The following L1CAM variants were observed in gnomAD, a reference collection of about 807,000 sequenced individuals.
The protein encoded by L1CAM is L1 cell adhesion molecule.
In L1CAM, 8 loss-of-function variants were observed where a neutral mutation model predicts 93.0. The observed-to-expected ratio is 0.09, with a 90% CI of 0.05 to 0.16. The LOEUF is 0.16. Among genes scored for constraint, L1CAM ranks in the 10% least tolerant of loss-of-function variants. The probability of loss-of-function intolerance (pLI) is 1.00; values close to 1 mark genes in which losing one functional copy is unlikely to be tolerated. For synonymous variants in L1CAM, 453 were observed against 453.0 expected (o/e 1.00, Z 0.00); for missense variants, 777 against 1,073.4 (o/e 0.72, Z 3.86).
intron 1 of L1CAM, chrX:153,885,338 C>A: frequency 1.0e-6 from 1 of 968,640 alleles, no homozygotes; most frequent in Non-Finnish European, 1.3e-6. Context: ...CCGACCTCAC[C>A]CACTCCAGCC....
Position 153,862,901 on chromosome X carries a change from A to G in L1CAM, c.3543-7T>C. 5.0e-6 allele frequency: 6 copies of G among 1,197,087 alleles called. No individual in the cohort carries two copies. Among genetic ancestry groups the G allele is most frequent in the Non-Finnish European group, 5.7e-6 (5 of 884,075 alleles). On this transcript the variant is annotated splice_polypyrimidine_tract_variant and splice_region_variant and intron_variant, in intron 28 of 28. Transcript: ENST00000370060. ...GGCCTTCTCCTCGTTGTCACTGCAG[A>G]GGCACAGGGCAGGTGCGAGTGAGAG...
Position 153,865,136 on chromosome X carries a change from G to T in L1CAM, c.2824C>A (p.Leu942Ile), listed in dbSNP as rs1557090425. The change falls in exon 22 of 29, where the codon CTC becomes ATC. Residue 942 changes from leucine (L) to isoleucine (I), a missense_variant. Around this residue, in one of 5 missense-constraint regions of L1CAM, gnomAD observed 71 missense variants for 77.4 expected, o/e 0.92. Transcript: ENST00000370060. The stretch of plus-strand genomic sequence containing the variant: ...CCGGTGAGCACGCCGTTGTGGCTGA[G>T]TGGGGGCTGCCAGCGCAGCAGCAGG... ...TSLLLRWQPP[L>I]SHNGVLTGYV... 1 of 1,209,897 alleles carries T rather than the reference G, an allele frequency of 8.3e-7. No individual in the cohort carries two copies. The highest frequency in any genetic ancestry group is 1.8e-5 in the South Asian group (1 of 56,874).
chrX:153,885,920 G>T (rs1367065152), intron 1 of L1CAM, 145 bp downstream of exon 1: 4 of 833,595 alleles, frequency 4.8e-6, no homozygotes, highest in Non-Finnish European at 5.8e-6. Context: ...GCCCGGCATG[G>T]GTGGGGCTCC....
intron 5 of L1CAM, 23 bp downstream of exon 5, chrX:153,872,129 C>G (rs782274319): frequency 8.5e-7 from 1 of 1,181,488 alleles, no homozygotes; most frequent in Non-Finnish European, 1.2e-6. Flanking sequence ...CCTGCCCTCC[C>G]TGGTCCCTGC....
intron 28 of L1CAM, 69 bp downstream of exon 28, chrX:153,863,299 G>A (rs1414644207): frequency 1.8e-6 from 2 of 1,126,657 alleles, no homozygotes; most frequent in Non-Finnish European, 2.4e-6. Flanking sequence ...AGGGGACAAT[G>A]GCACACCAGG....
Position 153,871,093 on chromosome X carries a change from T to G in L1CAM, c.487A>C (p.Ser163Arg). The change falls in exon 6 of 29, where the codon AGT becomes CGT. Residue 163 changes from serine to arginine, a missense_variant. Around this residue, in one of 5 missense-constraint regions of L1CAM, gnomAD observed 574 missense variants for 781.0 expected, o/e 0.73. Transcript: ENST00000370060. The stretch of plus-strand genomic sequence containing the variant: ...CAGTAGATCCGGAGAGGCTCTGCAC[T>G]TGGGGGAGGGTTGCAAGGCAGAACC... ...SVVLPCNPPP[S>R]AEPLRIYWMN... is the part of the protein sequence containing the mutation. 8.3e-7 allele frequency: 1 copy of G among 1,210,556 alleles called. No homozygotes were observed.
chrX:153,869,468 G>A (rs2064746513), intron 11 of L1CAM, 52 bp downstream of exon 11: 2 of 1,192,388 alleles, frequency 1.7e-6, no homozygotes, highest in Non-Finnish European at 1.1e-6. Flanking sequence ...CTGGCCCAGT[G>A]GGCTGCAGGG....
At chrX:153,879,976 C>G (rs1303203366) in intron 1 of L1CAM, among the ~76,000 whole-genome samples, 3 of 111,700 alleles carry the variant, frequency 2.7e-5, no homozygotes, top group Non-Finnish European at 5.7e-5. Context: ...CTGAGTAAGT[C>G]CGGTCCCAAA....
rs2064780292 is a variant in L1CAM, at chrX:153,872,489, G to A, written c.197+103C>T. 3 of 943,979 alleles carry A rather than the reference G, an allele frequency of 3.2e-6. No individual in the cohort carries two copies. In the African/African-American group the frequency reaches 5.8e-5, roughly 18 times the overall value. The allele number at this position is 943,979 out of a possible 1,213,427, so 77.8% of individuals were successfully genotyped here. On this transcript the variant is annotated intron_variant, in intron 4 of 28. Coordinates refer to ENST00000370060, the MANE Select transcript of L1CAM (RefSeq NM_001278116.2). The stretch of plus-strand genomic sequence containing the variant: ...AGATGGCGAGGACTTGGGGTGATTA[G>A]CAAGGTTTGGGGCTTCTGGGCTTAG...
At chrX:153,885,482 G>A in intron 1 of L1CAM, 1 of 865,437 alleles carries the variant, frequency 1.2e-6, no homozygotes, top group Non-Finnish European at 1.5e-6. Context: ...GAAGAAGGAG[G>A]AGAACAAAGC....
chrX:153,877,182 G>A (rs1344239010), intron 1 of L1CAM, among the ~76,000 whole-genome samples: 2 of 104,197 alleles, frequency 1.9e-5, no homozygotes, highest in Non-Finnish European at 3.9e-5. Context: ...GGTGGCTCAC[G>A]CCTGTAATCC....
rs35902890 is a variant in L1CAM at position 153,865,088 on chromosome X, G to C, written c.2872C>G (p.Leu958Val). 1.8e-3 allele frequency: 2,231 copies of C among 1,209,807 alleles called. 31 individuals are homozygous for C. The African/African-American group carries it at 0.035, about 19-fold the overall frequency. ...LTGYVLSYHP[L>V]DEGGKGQLSF... ...TTCCCTGCTGGGGCGGCGCACGCAC[G>C]GGGGTGGTAGGAGAGCACGTAGCCG... Residue 958 changes from leucine to valine, a missense_variant and splice_region_variant, in exon 22 of 29, where the codon CTG (leucine) becomes GTG (valine). Around this residue, in one of 5 missense-constraint regions of L1CAM, gnomAD observed 71 missense variants for 77.4 expected, o/e 0.92. Transcript: ENST00000370060.
At chrX:153,867,328 CATG>C (rs2064722960) in intron 17 of L1CAM, 25 bp downstream of exon 17, 1 of 1,172,190 alleles carries the variant, frequency 8.5e-7, no homozygotes, top group Non-Finnish European at 1.2e-6. Flanking sequence ...TTCCAGGTGG[CATG>C]GGAGTGGGTG....
intron 2 of L1CAM, 82 bp from the exon 3 acceptor site, chrX:153,873,324 G>A (rs2064789208): frequency 9.9e-7 from 1 of 1,009,336 alleles, no homozygotes; most frequent in Admixed American, 2.2e-5. Context: ...GATGGCAGGG[G>A]ACATAGTAAG....
At chrX:153,874,215 G>A (rs1172823828) in intron 2 of L1CAM, among the ~76,000 whole-genome samples, 8 of 112,954 alleles carry the variant, frequency 7.1e-5, no homozygotes, top group East Asian at 2.8e-4. Flanking sequence ...CCACTGTGTC[G>A]TATCAGGGTC....
Position 153,875,953 on chromosome X carries a change from G to A in L1CAM, c.-108-9C>T. ...AGTTGGGAGTGGGGGCACTGGGAGA[G>A]GGGAGAAGGGAAGGGAAGGGTGGGG... On this transcript the variant is annotated splice_polypyrimidine_tract_variant and intron_variant, in intron 1 of 28. Coordinates refer to ENST00000370060, the MANE Select transcript of L1CAM (RefSeq NM_001278116.2). The A allele has an allele frequency of 1.8e-6, 1 of 568,906 alleles. No individual in the cohort carries two copies. Among genetic ancestry groups the A allele is most frequent in the Non-Finnish European group, 3.0e-6 (1 of 336,888 alleles). 46.9% of individuals were successfully genotyped at this position (568,906 alleles called of 1,213,427 possible). A position where few individuals can be genotyped will look rare whatever the true frequency, so the allele number is the denominator to read the frequency against.
chrX:153,883,997 C>T (rs1325630186), intron 1 of L1CAM: 10 of 344,852 alleles, frequency 2.9e-5, no homozygotes, highest in Non-Finnish European at 5.2e-5. Context: ...GGAAAGGGCT[C>T]GGACCTGGGA....
chrX:153,883,740 G>A, intron 1 of L1CAM: 1 of 341,486 alleles, frequency 2.9e-6, no homozygotes, highest in South Asian at 2.6e-5. Flanking sequence ...TCCCCATCCT[G>A]GCAGACCTCC....
chrX:153,875,568 C>G, intron 2 of L1CAM, 193 bp downstream of exon 2: 1 of 517,707 alleles, frequency 1.9e-6, no homozygotes, highest in South Asian at 2.5e-5. Context: ...TCCTGACACG[C>G]CCCGCACCTT....
Sources: allele counts gnomAD v4.1 joint callset (sites outside exome capture counted in the v4.1 genomes callset), GRCh38; gene constraint gnomAD v4.1.1; regional missense constraint gnomAD v4.1.1; transcripts MANE v1.5; gene names NCBI Gene and HGNC (gene_info 2026-07-23, HGNC 2026-07-21).